ABCA2: variants seen among roughly 807,000 people sequenced by gnomAD.
ABCA2 encodes ATP binding cassette subfamily A member 2, also known as ATP-binding cassette sub-family A member 2.
ABCA2 carries 84 observed loss-of-function variants against 262.8 expected under a neutral mutation model. The observed-to-expected ratio is 0.32, with a 90% CI of 0.27 to 0.38. ABCA2 has a LOEUF of 0.38. Among genes scored for constraint, ABCA2 ranks in the 10% least tolerant of loss-of-function variants. The pLI is 1.00. For synonymous variants in ABCA2, 1,696 were observed against 1,502.9 expected (o/e 1.13, Z -2.97); for missense variants, 2,662 against 3,405.9 (o/e 0.78, Z 5.44).
At position 137,026,047 on chromosome 9, in the gene ABCA2, G is replaced by A. The variant is rs138707425; in HGVS notation, c.67-1811C>T. On this transcript the variant is annotated intron_variant, in intron 1 of 48. Coordinates refer to ENST00000341511, the MANE Select transcript of ABCA2 (RefSeq NM_001606.5). ...CCCTGTAGCTCCCGCCTACTGTGTC[G>A]GGGGGAGAACAGGTGAGACCCGAGG... Among the ~76,000 whole-genome samples, 222 of 152,264 alleles carry A rather than the reference G, an allele frequency of 1.5e-3. 1 individual carries two copies. The highest frequency in any genetic ancestry group is 8.2e-4 in the Non-Finnish European group (56 of 68,008).
chr9:137,008,928 C>T, intron 46 of ABCA2, 23 bp downstream of exon 46: 4 of 1,600,676 alleles, frequency 2.5e-6, no homozygotes, highest in Non-Finnish European at 3.4e-6. Flanking sequence ...GCCCCCTCCA[C>T]AACCCTGCCC....
chr9:137,009,181 C>A, intron 45 of ABCA2, 128 bp from the exon 46 acceptor site: 1 of 998,124 alleles, frequency 1.0e-6, no homozygotes, highest in East Asian at 2.7e-5. Context: ...GCCCCCCAAC[C>A]CCACAGCCCC....
intron 1 of ABCA2, among the ~76,000 whole-genome samples, chr9:137,025,581 CCCAGCCCGTG>C (rs1166010527): frequency 1.3e-5 from 2 of 152,246 alleles, no homozygotes; most frequent in Admixed American, 1.3e-4. Context: ...CCATGCCCGC[CCCAGCCCGTG>C]CCAGCCTCCA....
chr9:137,018,485 G>A, intron 13 of ABCA2, 134 bp from the exon 14 acceptor site: 1 of 697,586 alleles, frequency 1.4e-6, no homozygotes, highest in Non-Finnish European at 2.2e-6. Context: ...GGTGGGACAG[G>A]GCTGGGGTGG....
Position 137,011,327 on chromosome 9 carries a change from TCAGGGGCA to T in ABCA2, c.5800-26_5800-19del. 1 of 1,607,186 alleles carries T rather than the reference TCAGGGGCA, an allele frequency of 6.2e-7. No individual in the cohort carries two copies. Among genetic ancestry groups the T allele is most frequent in the Non-Finnish European group, 8.5e-7 (1 of 1,176,224 alleles). On this transcript the variant is annotated intron_variant, in intron 37 of 48. Transcript: ENST00000341511. This position sits in a 1 kb window ranked among gnomAD's most constrained non-coding sequence, Gnocchi z 8.8. ...TTCAGGTCCTGCGGGGTGGCCGGGG[TCAGGGGCA>T]CAGGGGTGGCCGGGGTGAGGGGCAC...
intron 2 of ABCA2, 68 bp from the exon 3 acceptor site, chr9:137,023,908 C>T: frequency 9.2e-7 from 1 of 1,088,970 alleles, no homozygotes; most frequent in Non-Finnish European, 1.4e-6. Flanking sequence ...CAGAGGAGAC[C>T]AGTGAGTGCC....
chr9:137,017,573 C>T lies in ABCA2; in HGVS notation c.2331G>A (p.Val777=). The T allele has an allele frequency of 1.2e-6, 2 of 1,612,736 alleles. No homozygotes were observed. The highest frequency in any genetic ancestry group is 1.1e-5 in the South Asian group (1 of 91,088). The part of the protein sequence containing the change: ...ALTAILKYGQ[V]LMHSHVVIIW... ...TGATGACCACGTGGCTGTGCATAAG[C>T]ACCTGGCCGTACTTCAGGATGGCGG... The change falls in exon 17 of 49, where the codon GTG becomes GTA. Residue 777 remains valine (V), a synonymous_variant. Coordinates refer to ENST00000341511, the MANE Select transcript of ABCA2 (RefSeq NM_001606.5).
chr9:137,028,661 G>A (rs1831749725), upstream of ABCA2: 2 of 1,147,508 alleles, frequency 1.7e-6, no homozygotes, highest in Non-Finnish European at 2.2e-6. The surrounding 1 kb of genome is among the most constrained non-coding windows in gnomAD (Gnocchi z 6.9). Context: ...GCTCACCCCC[G>A]TAAGGGTCTC....
In ABCA2 at chr9:137,007,844, G is replaced by C. The variant is rs1222665531; in HGVS notation, c.*85C>G. The C allele has an allele frequency of 1.3e-6, 2 of 1,565,014 alleles. No homozygotes were observed. The highest frequency in any genetic ancestry group is 1.7e-5 in the Admixed American group (1 of 57,236). ...CCACTCCAGGCCCTGGCAGGCACTGGGGGACTTCTGTCCCCATTGTTGAGT... is the reference window on the plus strand; with the variant it reads ...CCACTCCAGGCCCTGGCAGGCACTGCGGGACTTCTGTCCCCATTGTTGAGT... On this transcript the variant is annotated 3_prime_UTR_variant, in exon 49 of 49. Transcript: ENST00000341511.
In ABCA2 at chr9:137,016,467, C is replaced by T. The variant is rs778569704; in HGVS notation, c.2928G>A (p.Glu976=). The change falls in exon 21 of 49, where the codon GAG becomes GAA. Residue 976 remains glutamate (E), a synonymous_variant. Transcript: ENST00000341511. ...TGGGCTCCTCCTCCATGCCACGGGTCTCCTCTGCACCAGGGCTGTGGATCA... is the reference window on the plus strand; with the variant it reads ...TGGGCTCCTCCTCCATGCCACGGGTTTCCTCTGCACCAGGGCTGTGGATCA... ...ACAMESRRFE[E]TRGMEEEPTH... 3.1e-6 allele frequency: 5 copies of T among 1,612,770 alleles called. No individual in the cohort carries two copies. Among genetic ancestry groups the T allele is most frequent in the African/African-American group, 2.7e-5 (2 of 75,062 alleles).
chr9:137,009,745 A>T, intron 43 of ABCA2, 24 bp downstream of exon 43: 2 of 1,604,608 alleles, frequency 1.2e-6, no homozygotes, highest in Non-Finnish European at 1.7e-6. Context: ...CCAGGCAGCC[A>T]CCCCCCACCC....
rs1295656468 is a variant in ABCA2, at chr9:137,019,623, T to A, written c.1426-317A>T. 1 of 304,094 alleles carries A rather than the reference T, an allele frequency of 3.3e-6. No homozygotes were observed. The highest frequency in any genetic ancestry group is 6.3e-6 in the Non-Finnish European group (1 of 159,942). 18.8% of individuals were successfully genotyped at this position (304,094 alleles called of 1,614,324 possible). A position where few individuals can be genotyped will look rare whatever the true frequency, so the allele number is the denominator to read the frequency against. On this transcript the variant is annotated intron_variant, in intron 10 of 48. Transcript: ENST00000341511. The surrounding 1 kb of genome is among the most constrained non-coding windows in gnomAD (Gnocchi z 4.4). Reference sequence around the variant, plus strand: ...TTTTGGTAGAGACGGGCTTCCGCTATGTTGCTCGGGCTTGTCTCAAACTCC... The same window carrying A: ...TTTTGGTAGAGACGGGCTTCCGCTAAGTTGCTCGGGCTTGTCTCAAACTCC...
Position 137,013,833 on chromosome 9 carries a change from A to T in ABCA2, c.4446T>A (p.Ile1482=). ...AMTVALSVPE[I]GDLPPLVLSP... Reference sequence around the variant, plus strand: ...ACCCCTGTCCAGCCGGTGGCCTACCAATCTCCGGGACGGACAGGGCCACGG... The same window carrying T: ...ACCCCTGTCCAGCCGGTGGCCTACCTATCTCCGGGACGGACAGGGCCACGG... Residue 1482 remains isoleucine, a splice_region_variant and synonymous_variant, in exon 28 of 49, where the codon ATT becomes ATA. Transcript: ENST00000341511. 6.2e-7 allele frequency: 1 copy of T among 1,603,710 alleles called. No individual in the cohort carries two copies. The highest frequency in any genetic ancestry group is 8.5e-7 in the Non-Finnish European group (1 of 1,175,850).
At chr9:137,027,949 G>T in intron 1 of ABCA2, 126 bp downstream of exon 1, 1 of 346,420 alleles carries the variant, frequency 2.9e-6, no homozygotes, top group Non-Finnish European at 4.0e-6. Flanking sequence ...GCTCGGGCCC[G>T]CGCCGCCCCC....
chr9:137,023,183 G>C (rs1831539627), intron 3 of ABCA2, 131 bp from the exon 4 acceptor site: 1 of 752,302 alleles, frequency 1.3e-6, no homozygotes, highest in Non-Finnish European at 2.2e-6. Context: ...AGCAGCGTTA[G>C]GGAGAAGGCG....
chr9:137,028,598 C>T, upstream of ABCA2: 1 of 1,010,608 alleles, frequency 9.9e-7, no homozygotes. This position sits in a 1 kb window ranked among gnomAD's most constrained non-coding sequence, Gnocchi z 6.9. Flanking sequence ...GCAGAGGCGC[C>T]CCAAGCCTTC....
In ABCA2 at chr9:137,019,146, A is replaced by G; in HGVS notation, c.1554+32T>C. The G allele has an allele frequency of 6.2e-7, 1 of 1,605,968 alleles. No individual in the cohort carries two copies. The highest frequency in any genetic ancestry group is 8.5e-7 in the Non-Finnish European group (1 of 1,175,198). On this transcript the variant is annotated intron_variant, in intron 11 of 48. Transcript: ENST00000341511. This position sits in a 1 kb window ranked among gnomAD's most constrained non-coding sequence, Gnocchi z 4.4. The stretch of plus-strand genomic sequence containing the variant: ...CAGAGAGGGGCTCCCCACACCACCC[A>G]CAGCCGCCTCCCTCGCGGGCACCCT...
chr9:137,016,224 C>A (rs776836474), intron 21 of ABCA2, 50 bp from the exon 22 acceptor site: 1 of 1,610,578 alleles, frequency 6.2e-7, no homozygotes, highest in South Asian at 1.1e-5. Context: ...AGGGGCCCCA[C>A]CCTGCCCTGA....
chr9:137,017,551 T>G lies in ABCA2; in HGVS notation c.2353A>C (p.Ile785Leu). Residue 785 changes from isoleucine (I) to leucine (L), a missense_variant, in exon 17 of 49, where the codon ATC becomes CTC. Ile to Leu is a conservative substitution (Grantham distance 5). Around this residue, in one of 12 missense-constraint regions of ABCA2, gnomAD observed 188 missense variants for 343.4 expected, o/e 0.55. Coordinates refer to ENST00000341511, the MANE Select transcript of ABCA2 (RefSeq NM_001606.5). Reference protein sequence around the residue: ...GQVLMHSHVVIIWLFLAVYAV... With the variant: ...GQVLMHSHVVLIWLFLAVYAV... The stretch of plus-strand genomic sequence containing the variant: ...TAGACTGCCAGGAAGAGCCAGATGA[T>G]GACCACGTGGCTGTGCATAAGCACC... 1.2e-6 allele frequency: 2 copies of G among 1,611,850 alleles called. No homozygotes were observed. The highest frequency in any genetic ancestry group is 1.7e-6 in the Non-Finnish European group (2 of 1,179,168).
Sources: gnomAD v4.1 joint callset for allele counts (sites outside exome capture counted in the v4.1 genomes callset) on GRCh38, gnomAD v4.1.1 for gene constraint, gnomAD v4.1.1 regional missense constraint, Gnocchi (gnomAD v3.1) non-coding constraint, MANE v1.5 for transcripts, NCBI Gene and HGNC (gene_info 2026-07-23, HGNC 2026-07-21) for gene names.